Variants in ABCA12 observed in about 807,000 individuals in gnomAD.
The protein encoded by ABCA12 is glucosylceramide transporter ABCA12.
ABCA12 carries 156 observed loss-of-function variants against 293.5 expected under a neutral mutation model. The observed-to-expected ratio is 0.53, with a 90% CI of 0.47 to 0.61. ABCA12 has a LOEUF of 0.61. ABCA12 is among the 20% of genes least tolerant of loss of function. The probability of loss-of-function intolerance (pLI) is 0.00; values close to 1 mark genes in which losing one functional copy is unlikely to be tolerated. For missense variants in ABCA12, 2,797 were observed against 3,090.2 expected, an observed-to-expected ratio of 0.91 and a Z score of 2.25; for synonymous variants, 1,063 against 1,108.0, an observed-to-expected ratio of 0.96 and a Z score of 0.81.
intron 13 of ABCA12, 57 bp downstream of exon 13, chr2:215,019,279 C>T (rs188136072): frequency 2.2e-5 from 32 of 1,488,364 alleles, no homozygotes; most frequent in Admixed American, 8.4e-5. Context: ...TAAACTGCAG[C>T]GTGAGAATCA....
intron 17 of ABCA12, among the ~76,000 whole-genome samples, chr2:215,010,980 G>A (rs1026251458): frequency 1.3e-4 from 20 of 152,150 alleles, no homozygotes; most frequent in African/African-American, 3.1e-4. Context: ...GATGTGCCAC[G>A]AGACATTTAC....
chr2:214,958,541 G>GA, intron 40 of ABCA12, 87 bp from the exon 41 acceptor site: 1 of 1,423,426 alleles, frequency 7.0e-7, no homozygotes, highest in Non-Finnish European at 9.7e-7. Context: ...AAACCATCAA[G>GA]AAAACAGTAC....
At chr2:215,015,897 C>A (rs926548783) in intron 14 of ABCA12, among the ~76,000 whole-genome samples, 1 of 152,132 alleles carries the variant, frequency 6.6e-6, no homozygotes, top group African/African-American at 2.4e-5. Flanking sequence ...GTAATCCCAG[C>A]ACTTTGGGAG....
intron 7 of ABCA12, among the ~76,000 whole-genome samples, chr2:215,040,180 A>G (rs1394631190): frequency 2.0e-5 from 3 of 152,208 alleles, no homozygotes; most frequent in Admixed American, 1.3e-4. Flanking sequence ...ACTAGGGGCT[A>G]TCATGTTAGA....
chr2:215,092,756 C>G (rs144462270), intron 2 of ABCA12, among the ~76,000 whole-genome samples: 1 of 152,274 alleles, frequency 6.6e-6, no homozygotes, highest in East Asian at 1.9e-4. Flanking sequence ...CTTGCCTATC[C>G]ATGCCATAGT....
intron 14 of ABCA12, chr2:215,017,630 G>A (rs1171398603): frequency 5.2e-6 from 1 of 191,016 alleles, no homozygotes; most frequent in African/African-American, 2.4e-5. Context: ...TTGCGACAGT[G>A]AATATAATTC....
At chr2:215,106,944 C>T (rs1238124299) in intron 2 of ABCA12, among the ~76,000 whole-genome samples, 2 of 152,080 alleles carry the variant, frequency 1.3e-5, no homozygotes, top group African/African-American at 2.4e-5. Flanking sequence ...ATTTCTTATC[C>T]GCAGAGGGCC....
rs1700477987 is a variant in ABCA12, at chr2:215,015,654, G to C, written c.1792C>G (p.Gln598Glu). ...IPDNRAEIIS[Q>E]VFWLHSCDTN... ...TCACAGGAATGCAGCCAGAACACCT[G>C]AGAAATAATCTGCAAATGGAGGAAG... Residue 598 changes from glutamine (Q) to glutamate (E), a missense_variant, in exon 15 of 53, where the codon CAG becomes GAG. Physicochemically the swap from Gln to Glu is conservative, Grantham distance 29. Transcript: ENST00000272895. The C allele has an allele frequency of 1.2e-6, 2 of 1,613,902 alleles. No homozygotes were observed. Among genetic ancestry groups the C allele is most frequent in the African/African-American group, 2.7e-5 (2 of 75,020 alleles).
At chr2:215,008,043 A>T (rs1400728414) in intron 18 of ABCA12, among the ~76,000 whole-genome samples, 197 bp from the exon 19 acceptor site, 3 of 152,210 alleles carry the variant, frequency 2.0e-5, no homozygotes, top group African/African-American at 7.2e-5. Context: ...GTTCATTTAT[A>T]AAAATTCTGG....
At chr2:215,043,317 A>G (rs1701138888) in intron 7 of ABCA12, among the ~76,000 whole-genome samples, 1 of 152,074 alleles carries the variant, frequency 6.6e-6, no homozygotes, top group Non-Finnish European at 1.5e-5. Flanking sequence ...TTAATAAGCT[A>G]TTTTCATTAT....
In ABCA12 at chr2:215,025,726, T is replaced by G. The variant is rs1263591496; in HGVS notation, c.1234A>C (p.Asn412His). The G allele has an allele frequency of 3.7e-6, 6 of 1,613,438 alleles. No individual in the cohort carries two copies. The South Asian group carries it at 5.5e-5, about 15-fold the overall frequency. ...TIRFKKSFLR[N>H]GSYEDYFPPV... ...GGAAAGTAATCTTCATAGGAACCATTGCGAAGAAAAGATTTTTTAAATCGT... is the reference window on the plus strand; with the variant it reads ...GGAAAGTAATCTTCATAGGAACCATGGCGAAGAAAAGATTTTTTAAATCGT... Residue 412 changes from asparagine (N) to histidine (H), a missense_variant, in exon 11 of 53, where the codon AAT (asparagine) becomes CAT (histidine). Physicochemically the swap from Asn to His is moderately conservative, Grantham distance 68. This residue lies in a region of ABCA12 where 656 missense variants were observed against 638.2 expected (regional missense o/e 1.03). Coordinates refer to ENST00000272895, the MANE Select transcript of ABCA12 (RefSeq NM_173076.3).
At chr2:214,966,609 G>A (rs1455911487) in intron 39 of ABCA12, among the ~76,000 whole-genome samples, 1 of 152,160 alleles carries the variant, frequency 6.6e-6, no homozygotes, top group Admixed American at 6.5e-5. Context: ...ACATGCACGT[G>A]ACGTCAGCAT....
At chr2:215,080,451 T>C (rs1482415135) in intron 2 of ABCA12, among the ~76,000 whole-genome samples, 1 of 151,572 alleles carries the variant, frequency 6.6e-6, no homozygotes, top group Non-Finnish European at 1.5e-5. Flanking sequence ...TGCAGTAAGC[T>C]GAGATTGTGC....
intron 2 of ABCA12, among the ~76,000 whole-genome samples, chr2:215,091,208 C>T (rs1201555213): frequency 6.6e-6 from 1 of 152,096 alleles, no homozygotes; most frequent in Non-Finnish European, 1.5e-5. Context: ...ATGGGCCCAT[C>T]TGACCTCTCC....
At chr2:214,964,478 C>T (rs913057203) in intron 39 of ABCA12, among the ~76,000 whole-genome samples, 2 of 152,154 alleles carry the variant, frequency 1.3e-5, no homozygotes, top group African/African-American at 4.8e-5. Flanking sequence ...CTAGAAAACC[C>T]CATTGTCCAG....
Position 214,990,749 on chromosome 2 carries a change from G to C in ABCA12, c.3577C>G (p.Leu1193Val), listed in dbSNP as rs562957605. The C allele has an allele frequency of 6.2e-7, 1 of 1,613,978 alleles. No homozygotes were observed. The highest frequency in any genetic ancestry group is 1.1e-5 in the South Asian group (1 of 91,060). ...CTCAACTCATTCTCCACTGTAACCA[G>C]AACAATAAATGGAAAGAAGGCAATG... is the stretch of plus-strand genomic sequence containing the variant. ...YIIAFFPFIV[L>V]VTVENELSYV... The change falls in exon 24 of 53, where the codon CTG (leucine) becomes GTG (valine). Residue 1193 changes from leucine to valine, a missense_variant. By Grantham distance (32) the Leu-to-Val change is conservative. Around this residue, in one of 3 missense-constraint regions of ABCA12, gnomAD observed 2,130 missense variants for 2,427.0 expected, o/e 0.88. Transcript: ENST00000272895.
At chr2:215,087,129 A>G (rs1702057030) in intron 2 of ABCA12, among the ~76,000 whole-genome samples, 1 of 152,040 alleles carries the variant, frequency 6.6e-6, no homozygotes, top group East Asian at 1.9e-4. Context: ...TTTAGTAGAG[A>G]CTGGATTTCT....
chr2:214,995,681 C>T (rs1028306784), intron 23 of ABCA12, among the ~76,000 whole-genome samples: 1 of 152,134 alleles, frequency 6.6e-6, no homozygotes, highest in Non-Finnish European at 1.5e-5. Flanking sequence ...CTTCCACGCT[C>T]ACCTCCATCA....
chr2:215,028,650 ACTAT>A (rs1037502595), intron 9 of ABCA12, among the ~76,000 whole-genome samples: 9 of 152,200 alleles, frequency 5.9e-5, no homozygotes, highest in Admixed American at 3.9e-4. Flanking sequence ...AATAAAATAA[ACTAT>A]CTATTAGGGA....
Sources: allele counts gnomAD v4.1 joint callset (sites outside exome capture counted in the v4.1 genomes callset), GRCh38; gene constraint gnomAD v4.1.1; regional missense constraint gnomAD v4.1.1; transcripts MANE v1.5; gene names NCBI Gene and HGNC (gene_info 2026-07-23, HGNC 2026-07-21).